The following STARD6 variants were observed in gnomAD, a reference collection of about 807,000 sequenced individuals.
The protein encoded by STARD6 is StAR related lipid transfer domain containing 6.
Under a neutral mutation model 22.3 loss-of-function variants are expected in STARD6, and 21 were observed. The observed-to-expected ratio is 0.94, with a 90% CI of 0.67 to 1.35. The LOEUF is 1.35. Among genes scored for constraint, STARD6 ranks in the 40% most tolerant of loss-of-function variants. STARD6 has a pLI of 0.00. For missense variants in STARD6, 269 were observed against 266.9 expected (o/e 1.01, Z -0.05); for synonymous variants, 80 against 88.1 (o/e 0.91, Z 0.52).
intron 4 of STARD6, among the ~76,000 whole-genome samples, chr18:54,337,606 C>T (rs2088928528): frequency 6.6e-6 from 1 of 152,176 alleles, no homozygotes; most frequent in African/African-American, 2.4e-5. Flanking sequence ...GAAACATAGC[C>T]ACACTCATTC....
At chr18:54,329,536 G>C in intron 6 of STARD6, 96 bp from the exon 7 acceptor site, 1 of 971,260 alleles carries the variant, frequency 1.0e-6, no homozygotes, top group Non-Finnish European at 1.5e-6. Flanking sequence ...ATTTAAGTTA[G>C]TTAATAGCAT....
chr18:54,343,452 G>T (rs1416637511), intron 4 of STARD6, among the ~76,000 whole-genome samples: 1 of 130,640 alleles, frequency 7.7e-6, no homozygotes, highest in East Asian at 2.3e-4. Flanking sequence ...CAGCCGCCCG[G>T]TCTGGGAGGT....
At position 54,352,466 on chromosome 18, in the gene STARD6, G is replaced by A. The variant is rs148066269; in HGVS notation, c.140+1588C>T. Among the ~76,000 whole-genome samples, 153 of 152,250 alleles carry A rather than the reference G, an allele frequency of 1.0e-3. 3 individuals are homozygous for A. The Middle Eastern group carries it at 0.01, about 10-fold the overall frequency. On this transcript the variant is annotated intron_variant, in intron 4 of 7. Coordinates refer to ENST00000307844, the MANE Select transcript of STARD6 (RefSeq NM_139171.2). ...GTTTGGAGCATAGCCTCCTTCAGTTGAGTCTTCAGATGAGACCTAAGCCCT... is the reference window on the plus strand; with the variant it reads ...GTTTGGAGCATAGCCTCCTTCAGTTAAGTCTTCAGATGAGACCTAAGCCCT...
At chr18:54,337,501 T>G (rs2088926894) in intron 4 of STARD6, among the ~76,000 whole-genome samples, 2 of 152,214 alleles carry the variant, frequency 1.3e-5, no homozygotes, top group Non-Finnish European at 2.9e-5. Flanking sequence ...ATTAAGTTTT[T>G]GGGGAGTCAA....
At chr18:54,346,398 G>T (rs2089036219) in intron 4 of STARD6, among the ~76,000 whole-genome samples, 1 of 151,890 alleles carries the variant, frequency 6.6e-6, no homozygotes, top group Non-Finnish European at 1.5e-5. Flanking sequence ...TAATCAAGAA[G>T]ACAGATATGA....
chr18:54,348,567 A>G lies in STARD6; in HGVS notation c.140+5487T>C, dbSNP rs75361570. On this transcript the variant is annotated intron_variant, in intron 4 of 7. Coordinates refer to ENST00000307844, the MANE Select transcript of STARD6 (RefSeq NM_139171.2). ...GTGACTTGGAGATAGTAACTTACAT[A>G]GGCCCTTATTCATTTGTAAAATGGG... Among the ~76,000 whole-genome samples, 12 of 152,274 alleles carry G rather than the reference A, an allele frequency of 7.9e-5. No homozygotes were observed. The East Asian group carries it at 2.3e-3, about 29-fold the overall frequency.
At chr18:54,343,450 C>T (rs1244501399) in intron 4 of STARD6, among the ~76,000 whole-genome samples, 6 of 131,406 alleles carry the variant, frequency 4.6e-5, no homozygotes, top group African/African-American at 8.9e-5. Context: ...GCCAGCCGCC[C>T]GGTCTGGGAG....
intron 7 of STARD6, among the ~76,000 whole-genome samples, chr18:54,325,299 C>A (rs2088816135): frequency 6.6e-6 from 1 of 152,044 alleles, no homozygotes; most frequent in South Asian, 2.1e-4. Flanking sequence ...ATATGTTCCC[C>A]ACATATATAA....
intron 4 of STARD6, among the ~76,000 whole-genome samples, chr18:54,348,507 G>C (rs535805765): frequency 2.7e-4 from 41 of 152,180 alleles, no homozygotes; most frequent in Admixed American, 2.4e-3. Context: ...GTAAAGTCTT[G>C]GTGTCTAAGT....
intron 5 of STARD6, among the ~76,000 whole-genome samples, chr18:54,333,816 TTTAC>T (rs1438855856): frequency 3.0e-4 from 45 of 152,332 alleles, no homozygotes; most frequent in African/African-American, 1.0e-3. Flanking sequence ...TATTTATTTA[TTTAC>T]TTATTTTTGT....
At chr18:54,335,850 CTG>C (rs1447046368) in intron 5 of STARD6, among the ~76,000 whole-genome samples, 2 of 152,130 alleles carry the variant, frequency 1.3e-5, no homozygotes, top group Non-Finnish European at 2.9e-5. Flanking sequence ...TCTGCCATGA[CTG>C]TAAATTTCCT....
chr18:54,342,597 G>A (rs948815124), intron 4 of STARD6, among the ~76,000 whole-genome samples: 2 of 123,294 alleles, frequency 1.6e-5, no homozygotes, highest in East Asian at 2.6e-4. Flanking sequence ...TCAGCCTGCC[G>A]AGTGCCTGCG....
chr18:54,335,646 A>C (rs1330506022), intron 5 of STARD6, among the ~76,000 whole-genome samples: 1 of 152,140 alleles, frequency 6.6e-6, no homozygotes, highest in Non-Finnish European at 1.5e-5. Flanking sequence ...ATGATGTTGA[A>C]TTGGAGGATC....
intron 7 of STARD6, among the ~76,000 whole-genome samples, chr18:54,328,487 A>G (rs1186957610): frequency 6.6e-6 from 1 of 152,212 alleles, no homozygotes; most frequent in Non-Finnish European, 1.5e-5. Context: ...AAATGGGTAG[A>G]AAGACCATAC....
chr18:54,346,440 A>G (rs764971579), intron 4 of STARD6, among the ~76,000 whole-genome samples: 14 of 152,090 alleles, frequency 9.2e-5, no homozygotes, highest in Non-Finnish European at 1.3e-4. Flanking sequence ...AGAAATTGGA[A>G]CCTACATACA....
chr18:54,342,560 G>A (rs1265297228), intron 4 of STARD6, among the ~76,000 whole-genome samples: 1 of 133,116 alleles, frequency 7.5e-6, no homozygotes, highest in Non-Finnish European at 1.6e-5. Flanking sequence ...TCGGCTCACT[G>A]CAACCTCCCT....
Sources: allele counts gnomAD v4.1 joint callset (sites outside exome capture counted in the v4.1 genomes callset), GRCh38; gene constraint gnomAD v4.1.1; transcripts MANE v1.5; gene names NCBI Gene and HGNC (gene_info 2026-07-23, HGNC 2026-07-21).